The following CUEDC1 variants were observed in gnomAD, a reference collection of about 807,000 sequenced individuals.
CUEDC1 encodes the protein CUE domain containing 1.
A neutral mutation model predicts 43.7 loss-of-function variants in CUEDC1; 30 were observed. The ratio of observed to expected loss-of-function variants is 0.69; its 90% confidence interval spans 0.51 to 0.93. CUEDC1 has a LOEUF of 0.93. Ranked by LOEUF, CUEDC1 falls within the 40% of genes least tolerant of loss-of-function variation. CUEDC1 has a pLI of 0.00. For synonymous variants in CUEDC1, 223 were observed against 223.6 expected (o/e 1.00, Z 0.02); for missense variants, 486 against 549.0 (o/e 0.89, Z 1.15).
chr17:57,893,744 C>A (rs372072249), intron 1 of CUEDC1, among the ~76,000 whole-genome samples: 1 of 152,196 alleles, frequency 6.6e-6, no homozygotes, highest in African/African-American at 2.4e-5. Flanking sequence ...TGCTGTCATG[C>A]GCTGCTGTGT....
intron 1 of CUEDC1, among the ~76,000 whole-genome samples, chr17:57,915,625 G>A (rs1439924152): frequency 5.3e-5 from 8 of 152,196 alleles, no homozygotes; most frequent in Non-Finnish European, 7.3e-5. Flanking sequence ...GAAAGTTGGC[G>A]CCTGGCCTTA....
rs891269900 is a variant in CUEDC1, at chr17:57,954,084, C to T, written c.-316+1141G>A. On this transcript the variant is annotated intron_variant, in intron 1 of 10. Coordinates refer to ENST00000577830, the MANE Select transcript of CUEDC1 (RefSeq NM_001271875.2). The surrounding 1 kb of genome is among the most constrained non-coding windows in gnomAD (Gnocchi z 4.3). ...TCCTCCGTGAGAGAATTCCTGGGGT[C>T]CCTCACCTCCTTCAGGCACAGCTGG... Among the ~76,000 whole-genome samples, 4 of 152,160 alleles carry T rather than the reference C, an allele frequency of 2.6e-5. No homozygotes were observed. Among genetic ancestry groups the T allele is most frequent in the African/African-American group, 9.7e-5 (4 of 41,430 alleles).
intron 1 of CUEDC1, among the ~76,000 whole-genome samples, chr17:57,951,190 GT>G (rs1451286743): frequency 6.6e-6 from 1 of 150,916 alleles, no homozygotes; most frequent in Non-Finnish European, 1.5e-5. Flanking sequence ...CAGAATTTGT[GT>G]ACCGCTGTGC....
Position 57,896,484 on chromosome 17 carries a change from T to TGGGGGGGG in CUEDC1, c.-315-10606_-315-10605insCCCCCCCC, listed in dbSNP as rs370021887. Reference sequence around the variant, plus strand: ...ATAGTCACTCTACTATAGTGCATTATGGGGTGTGTGTGTGTGTGTGTGTGT... The same window carrying TGGGGGGGG: ...ATAGTCACTCTACTATAGTGCATTATGGGGGGGGGGGGTGTGTGTGTGTGTGTGTGTGT... On this transcript the variant is annotated intron_variant, in intron 1 of 10. Transcript: ENST00000577830. Among the ~76,000 whole-genome samples the TGGGGGGGG allele has an allele frequency of 3.5e-3, 211 of 61,092 alleles. 2 individuals carry two copies. Among genetic ancestry groups the TGGGGGGGG allele is most frequent in the Non-Finnish European group, 5.5e-3 (159 of 29,136 alleles). 40.1% of individuals were successfully genotyped at this position (61,092 alleles called of 152,430 possible).
chr17:57,911,214 T>C (rs2074579995), intron 1 of CUEDC1, among the ~76,000 whole-genome samples: 2 of 152,178 alleles, frequency 1.3e-5, no homozygotes, highest in Non-Finnish European at 2.9e-5. Flanking sequence ...ATCTAACAAG[T>C]TGTTAGGCGA....
chr17:57,885,885 A>C lies in CUEDC1; in HGVS notation c.-315-6T>G. On this transcript the variant is annotated splice_region_variant and splice_polypyrimidine_tract_variant and intron_variant, in intron 1 of 10. Transcript: ENST00000577830. ...GGTTTCACGGATGGTCCCACCTGAA[A>C]CCGAAAGAGATGGAGTCAGGGCCGA... 4.3e-6 allele frequency: 1 copy of C among 234,710 alleles called. No homozygotes were observed. Among genetic ancestry groups the C allele is most frequent in the Non-Finnish European group, 8.2e-6 (1 of 122,280 alleles). 14.5% of individuals were successfully genotyped at this position (234,710 alleles called of 1,614,324 possible). A position where few individuals can be genotyped will look rare whatever the true frequency, so the allele number is the denominator to read the frequency against.
intron 1 of CUEDC1, among the ~76,000 whole-genome samples, chr17:57,916,339 G>A (rs1484620578): frequency 1.3e-5 from 2 of 152,324 alleles, no homozygotes; most frequent in East Asian, 3.9e-4. Context: ...TCCCACCCCA[G>A]GCCCTCCAGG....
At chr17:57,913,973 G>T (rs1051727487) in intron 1 of CUEDC1, among the ~76,000 whole-genome samples, 1 of 152,142 alleles carries the variant, frequency 6.6e-6, no homozygotes, top group Non-Finnish European at 1.5e-5. Flanking sequence ...CGTGGCTTTG[G>T]CCTATTGAAC....
intron 1 of CUEDC1, among the ~76,000 whole-genome samples, chr17:57,913,810 C>G (rs1229073766): frequency 6.6e-6 from 1 of 152,202 alleles, no homozygotes; most frequent in Non-Finnish European, 1.5e-5. Context: ...CTGGCCAGCA[C>G]CCCACCCCAG....
intron 1 of CUEDC1, among the ~76,000 whole-genome samples, chr17:57,895,192 A>G (rs1009861327): frequency 1.3e-5 from 2 of 152,216 alleles, no homozygotes; most frequent in Non-Finnish European, 2.9e-5. Flanking sequence ...AATGAGGCGT[A>G]GAAGGGTTGA....
chr17:57,950,783 C>T (rs1188687628), intron 1 of CUEDC1, among the ~76,000 whole-genome samples: 3 of 152,202 alleles, frequency 2.0e-5, no homozygotes, highest in Admixed American at 6.5e-5. Flanking sequence ...AGCTTGCACT[C>T]TTGACTGCCT....
intron 1 of CUEDC1, among the ~76,000 whole-genome samples, chr17:57,888,380 G>A (rs1292576023): frequency 6.6e-6 from 1 of 152,230 alleles, no homozygotes; most frequent in Admixed American, 6.5e-5. Flanking sequence ...TCTGTTGACT[G>A]AGTGAAGCAT....
intron 1 of CUEDC1, among the ~76,000 whole-genome samples, chr17:57,942,358 GA>G (rs1314087368): frequency 1.3e-5 from 2 of 152,122 alleles, no homozygotes; most frequent in African/African-American, 4.8e-5. Flanking sequence ...AACTATTTTT[GA>G]ATTGTCTAGT....
In CUEDC1 at chr17:57,885,680, C is replaced by G; in HGVS notation, c.-116G>C. 7.7e-7 allele frequency: 1 copy of G among 1,301,604 alleles called. No homozygotes were observed. The highest frequency in any genetic ancestry group is 9.7e-7 in the Non-Finnish European group (1 of 1,028,116). 80.6% of individuals were successfully genotyped at this position (1,301,604 alleles called of 1,614,324 possible). A position where few individuals can be genotyped will look rare whatever the true frequency, so the allele number is the denominator to read the frequency against. On this transcript the variant is annotated 5_prime_UTR_variant, in exon 2 of 11. Transcript: ENST00000577830. ...GGTCTCGGGCAGCTCACTCCTGCGC[C>G]TCCTCCTCCCCGGGTAGCCAGGCAG...
intron 1 of CUEDC1, among the ~76,000 whole-genome samples, chr17:57,909,865 A>G (rs112741487): frequency 1.0e-3 from 157 of 152,364 alleles, no homozygotes; most frequent in African/African-American, 3.4e-3. Flanking sequence ...CGGGGTATGC[A>G]TGTGTGTGCG....
At chr17:57,934,779 CT>C (rs1215181911) in intron 1 of CUEDC1, among the ~76,000 whole-genome samples, 1 of 152,282 alleles carries the variant, frequency 6.6e-6, no homozygotes, top group African/African-American at 2.4e-5. Flanking sequence ...GTGATTTCGG[CT>C]CACTGCAGCC....
At chr17:57,928,418 G>A (rs1176025776) in intron 1 of CUEDC1, among the ~76,000 whole-genome samples, 6 of 151,852 alleles carry the variant, frequency 4.0e-5, no homozygotes, top group Non-Finnish European at 7.4e-5. Flanking sequence ...GCGTGGTGGC[G>A]GGTGCCTGTA....
At chr17:57,938,794 C>T (rs2074886192) in intron 1 of CUEDC1, among the ~76,000 whole-genome samples, 1 of 151,796 alleles carries the variant, frequency 6.6e-6, no homozygotes, top group Non-Finnish European at 1.5e-5. Flanking sequence ...TCCTGAGTAG[C>T]TGGGATTACA....
intron 1 of CUEDC1, among the ~76,000 whole-genome samples, chr17:57,941,858 G>C (rs1353417844): frequency 6.6e-6 from 1 of 152,238 alleles, no homozygotes; most frequent in African/African-American, 2.4e-5. Context: ...ACTGCTGATG[G>C]CTGGGGCCAG....
Sources: allele counts gnomAD v4.1 joint callset (sites outside exome capture counted in the v4.1 genomes callset), GRCh38; gene constraint gnomAD v4.1.1; non-coding constraint Gnocchi (gnomAD v3.1); transcripts MANE v1.5; gene names NCBI Gene and HGNC (gene_info 2026-07-23, HGNC 2026-07-21).